TCF20: variants seen among roughly 807,000 people sequenced by gnomAD.
TCF20 encodes transcription factor 20.
TCF20 carries 3 observed loss-of-function variants against 148.6 expected under a neutral mutation model. That is an observed-to-expected ratio of 0.02 (90% CI 0.01 to 0.05). TCF20 has a LOEUF of 0.05. TCF20 is among the 10% of genes least tolerant of loss of function. The pLI is 1.00. For missense variants in TCF20, 2,350 were observed against 2,429.3 expected (o/e 0.97, Z 0.69); for synonymous variants, 1,049 against 909.5 (o/e 1.15, Z -2.76).
At chr22:42,254,731 C>T (rs982732630) in intron 1 of TCF20, among the ~76,000 whole-genome samples, 28 of 152,302 alleles carry the variant, frequency 1.8e-4, no homozygotes, top group Non-Finnish European at 3.4e-4. Context: ...CTTTGAGAGG[C>T]CGTGACAGGC....
Position 42,211,295 on chromosome 22 carries a change from A to C in TCF20, c.4011T>G (p.Ala1337=), listed in dbSNP as rs757663687. The C allele has an allele frequency of 1.9e-6, 3 of 1,614,032 alleles. No individual in the cohort carries two copies. Among genetic ancestry groups the C allele is most frequent in the Non-Finnish European group, 2.5e-6 (3 of 1,180,034 alleles). Residue 1337 remains alanine (A), a synonymous_variant, in exon 2 of 6, where the codon GCT becomes GCG. Transcript: ENST00000677622. The part of the protein sequence containing the change: ...NCPAVTLTSP[A]KTKILPPRKG... ...TCCGTGGGGGCAGTATTTTGGTCTT[A>C]GCAGGGCTTGTGAGGGTAACAGCAG...
chr22:42,211,063 C>T lies in TCF20; in HGVS notation c.4243G>A (p.Asp1415Asn), dbSNP rs1920947513. The T allele has an allele frequency of 1.9e-6, 3 of 1,614,120 alleles. No homozygotes were observed. The highest frequency in any genetic ancestry group is 2.5e-6 in the Non-Finnish European group (3 of 1,180,026). Residue 1415 changes from aspartate to asparagine, a missense_variant, in exon 2 of 6, where the codon GAC (aspartate) becomes AAC (asparagine). This residue lies in a region of TCF20 where 231 missense variants were observed against 213.7 expected (regional missense o/e 1.08). Transcript: ENST00000677622. ...TCCTGGTTTGCTGGACTGACTAGGT[C>T]CGAAGCCACCTCACCTTTTCTCTTC... ...IEKRKGEVAS[D>N]LVSPANQELH...
rs188160285 is a variant in TCF20, at chr22:42,174,931, C to A, written c.5749+4678G>T. Among the ~76,000 whole-genome samples the A allele has an allele frequency of 2.1e-3, 312 of 151,470 alleles. 3 individuals carry two copies. Among genetic ancestry groups the A allele is most frequent in the African/African-American group, 6.7e-3 (277 of 41,274 alleles). On this transcript the variant is annotated intron_variant, in intron 3 of 5. Coordinates refer to ENST00000677622, the MANE Select transcript of TCF20 (RefSeq NM_001378418.1). ...GCGCCTGTAGTCCCAGCTGCTGGGG[C>A]GGCTGAGGCAGGAGAATGGCGTGAA...
At chr22:42,168,310 A>C (rs1311347657) in intron 5 of TCF20, among the ~76,000 whole-genome samples, 1 of 152,036 alleles carries the variant, frequency 6.6e-6, no homozygotes, top group Non-Finnish European at 1.5e-5. Flanking sequence ...CAAGAAAGAG[A>C]CCTAAAAGCC....
chr22:42,271,322 C>T (rs1370042289), upstream of TCF20, among the ~76,000 whole-genome samples: 4 of 152,266 alleles, frequency 2.6e-5, no homozygotes, highest in Non-Finnish European at 5.9e-5. Context: ...GACGCTCCAG[C>T]TGCCTTCTGC....
chr22:42,246,681 TA>T (rs1924936572), intron 1 of TCF20, among the ~76,000 whole-genome samples: 2 of 152,200 alleles, frequency 1.3e-5, no homozygotes, highest in Non-Finnish European at 2.9e-5. Context: ...TAGAAAGGTA[TA>T]ATAGGCTGGG....
At chr22:42,248,987 G>A (rs772575693) in intron 1 of TCF20, among the ~76,000 whole-genome samples, 13 of 152,210 alleles carry the variant, frequency 8.5e-5, no homozygotes, top group Non-Finnish European at 1.5e-4. Context: ...ATTAGTGTGC[G>A]AGTCTGAGTA....
chr22:42,298,378 G>A (rs1927273027), intron 1 of TCF20, among the ~76,000 whole-genome samples: 2 of 152,246 alleles, frequency 1.3e-5, no homozygotes, highest in South Asian at 4.1e-4. Flanking sequence ...GGGTGTGGAA[G>A]GCGACAGCAG....
chr22:42,206,615 G>A (rs1357198661), intron 2 of TCF20, among the ~76,000 whole-genome samples: 1 of 152,072 alleles, frequency 6.6e-6, no homozygotes, highest in East Asian at 1.9e-4. Flanking sequence ...ACTTCTTAGG[G>A]GAAGTGAATC....
At chr22:42,205,116 A>G (rs1208307350) in intron 2 of TCF20, among the ~76,000 whole-genome samples, 1 of 152,206 alleles carries the variant, frequency 6.6e-6, no homozygotes, top group Non-Finnish European at 1.5e-5. Flanking sequence ...GTACATACCA[A>G]GTTATATCCA....
chr22:42,255,488 A>AAAAAACAACAACAACAAC (rs1414851810), intron 1 of TCF20, among the ~76,000 whole-genome samples: 2 of 29,280 alleles, frequency 6.8e-5, no homozygotes, highest in East Asian at 7.6e-4. Context: ...ACTTCATCTC[A>AAAAAACAACAACAACAAC]AACAACAACA....
At chr22:42,201,023 G>A (rs935814274) in intron 2 of TCF20, among the ~76,000 whole-genome samples, 1 of 152,194 alleles carries the variant, frequency 6.6e-6, no homozygotes, top group Admixed American at 6.6e-5. Flanking sequence ...GAGGTGGCTG[G>A]ATCATGTGGG....
intron 3 of TCF20, among the ~76,000 whole-genome samples, chr22:42,178,969 G>C (rs944183979): frequency 1.3e-5 from 2 of 150,676 alleles, no homozygotes; most frequent in Admixed American, 6.6e-5. Flanking sequence ...CTCGACATTA[G>C]CCATCAGGGA....
At chr22:42,203,929 G>A (rs1461467724) in intron 2 of TCF20, among the ~76,000 whole-genome samples, 1 of 152,190 alleles carries the variant, frequency 6.6e-6, no homozygotes, top group East Asian at 1.9e-4. Flanking sequence ...CCAGGCCCTG[G>A]AAATGACCAC....
intron 1 of TCF20, among the ~76,000 whole-genome samples, chr22:42,231,174 T>C (rs1439497072): frequency 6.6e-6 from 1 of 151,410 alleles, no homozygotes; most frequent in Admixed American, 6.6e-5. Context: ...ATAATGATAA[T>C]AAATAGAAAA....
At chr22:42,291,124 C>T (rs978995600) in intron 1 of TCF20, among the ~76,000 whole-genome samples, 3 of 152,218 alleles carry the variant, frequency 2.0e-5, no homozygotes, top group Non-Finnish European at 4.4e-5. Context: ...TCCATCTCCT[C>T]TTCTCTGAAC....
At chr22:42,182,827 C>A (rs1475663033) in intron 2 of TCF20, among the ~76,000 whole-genome samples, 2 of 152,208 alleles carry the variant, frequency 1.3e-5, no homozygotes, top group African/African-American at 4.8e-5. Flanking sequence ...ACCTCCGACT[C>A]CCATGTTCAA....
intron 1 of TCF20, among the ~76,000 whole-genome samples, chr22:42,265,591 C>CT (rs763170056): frequency 6.6e-6 from 1 of 152,168 alleles, no homozygotes; most frequent in African/African-American, 2.4e-5. Context: ...TATCTTGTTA[C>CT]TTTTTTACCT....
chr22:42,316,404 C>T (rs1927632195), intron 1 of TCF20, among the ~76,000 whole-genome samples: 1 of 152,180 alleles, frequency 6.6e-6, no homozygotes, highest in Admixed American at 6.5e-5. Flanking sequence ...CCTGGGCCTT[C>T]CCTGCACCCA....
Sources: gnomAD v4.1 joint callset for allele counts (sites outside exome capture counted in the v4.1 genomes callset) on GRCh38, gnomAD v4.1.1 for gene constraint, gnomAD v4.1.1 regional missense constraint, MANE v1.5 for transcripts, NCBI Gene and HGNC (gene_info 2026-07-23, HGNC 2026-07-21) for gene names.